The following PHF24 variants were observed in gnomAD, a reference collection of about 807,000 sequenced individuals.
PHF24 encodes the protein Galpha inhibitory interacting protein.
Under a neutral mutation model 42.6 loss-of-function variants are expected in PHF24, and 25 were observed. The observed-to-expected ratio is 0.59, with a 90% CI of 0.43 to 0.82. The LOEUF is 0.82. PHF24 is among the 40% of genes least tolerant of loss of function. The pLI is 0.00. For missense variants in PHF24, 470 were observed against 538.1 expected, an observed-to-expected ratio of 0.87 and a Z score of 1.25; for synonymous variants, 185 against 204.8, an observed-to-expected ratio of 0.90 and a Z score of 0.83.
At chr9:34,693,020 C>T in the PHF24 span, among the ~76,000 whole-genome samples, 4 of 152,126 alleles carry the variant, frequency 2.6e-5, no homozygotes, top group African/African-American at 9.7e-5. Context: ...CTCCTGGTTT[C>T]GAACTCCTGA....
the PHF24 span, among the ~76,000 whole-genome samples, chr9:34,850,336 C>A: frequency 6.6e-6 from 1 of 152,196 alleles, no homozygotes; most frequent in Admixed American, 6.5e-5. Context: ...TCCCTTCTCG[C>A]TTCATTTCAT....
At chr9:34,909,857 G>A in the PHF24 span, among the ~76,000 whole-genome samples, 1 of 152,214 alleles carries the variant, frequency 6.6e-6, no homozygotes, top group South Asian at 2.1e-4. Context: ...CTCATCTTCT[G>A]ACCTCGTGAT....
the PHF24 span, among the ~76,000 whole-genome samples, chr9:34,800,580 T>C: frequency 6.6e-6 from 1 of 152,284 alleles, no homozygotes; most frequent in South Asian, 2.1e-4. Context: ...GGATTCCCTA[T>C]TTAATAAACG....
chr9:34,967,269 C>T (rs1025784872), intron 1 of PHF24, among the ~76,000 whole-genome samples: 1 of 152,146 alleles, frequency 6.6e-6, no homozygotes, highest in Non-Finnish European at 1.5e-5. Context: ...CTTCAAATTG[C>T]AGATTTAAAT....
the PHF24 span, among the ~76,000 whole-genome samples, chr9:34,716,325 C>T: frequency 6.6e-6 from 1 of 152,108 alleles, no homozygotes. Context: ...GGGCTGGAAT[C>T]ATGGTGATGT....
chr9:34,725,892 C>T, the PHF24 span: 2 of 1,552,108 alleles, frequency 1.3e-6, no homozygotes, highest in Admixed American at 2.0e-5. Flanking sequence ...CCTTGAGATC[C>T]CATGAAAGTG....
At chr9:34,720,451 CA>C in the PHF24 span, among the ~76,000 whole-genome samples, 1 of 34,744 alleles carries the variant, frequency 2.9e-5, no homozygotes, top group Non-Finnish European at 8.9e-5. Flanking sequence ...GACTCCGTCT[CA>C]AAAAAAAAAC....
the PHF24 span, among the ~76,000 whole-genome samples, chr9:34,875,946 ACACACTCTCTCTCTCT>A: frequency 0.048 from 4,306 of 88,950 alleles, 88 homozygotes; most frequent in Non-Finnish European, 0.061. Flanking sequence ...ACACACACAC[ACACACTCTCTCTCTCT>A]CTCTCTCTCT....
chr9:34,961,364 A>T (rs1166856897), intron 1 of PHF24, among the ~76,000 whole-genome samples: 1 of 152,186 alleles, frequency 6.6e-6, no homozygotes, highest in East Asian at 1.9e-4. Flanking sequence ...AACCAAGACC[A>T]TCAGTGTCCA....
At chr9:34,680,515 C>T in the PHF24 span, among the ~76,000 whole-genome samples, 2 of 150,982 alleles carry the variant, frequency 1.3e-5, no homozygotes, top group African/African-American at 4.9e-5. Flanking sequence ...GGTGAAACCC[C>T]GTCTCTACTA....
At chr9:34,936,438 G>A in the PHF24 span, among the ~76,000 whole-genome samples, 78 of 152,210 alleles carry the variant, frequency 5.1e-4, no homozygotes, top group African/African-American at 1.8e-3. Context: ...CCTCTCAGCC[G>A]CCTGCCTTGG....
the PHF24 span, chr9:34,917,851 A>G: frequency 4.0e-5 from 61 of 1,509,174 alleles, no homozygotes; most frequent in Non-Finnish European, 5.3e-5. Flanking sequence ...TTCATCTTGC[A>G]TCGTGTGTGT....
the PHF24 span, among the ~76,000 whole-genome samples, chr9:34,735,839 A>G: frequency 6.6e-6 from 1 of 151,892 alleles, no homozygotes; most frequent in Non-Finnish European, 1.5e-5. Flanking sequence ...ACATAACCAG[A>G]CTTAGATATA....
the PHF24 span, among the ~76,000 whole-genome samples, chr9:34,714,310 C>G: frequency 4.1e-5 from 6 of 146,680 alleles, no homozygotes; most frequent in Admixed American, 4.2e-4. Context: ...CCCTGGTTTC[C>G]CCACCTGCCT....
chr9:34,777,355 G>T, the PHF24 span, among the ~76,000 whole-genome samples: 1 of 152,150 alleles, frequency 6.6e-6, no homozygotes, highest in Non-Finnish European at 1.5e-5. Flanking sequence ...GAATGTGATG[G>T]TCTGGGCAGG....
At chr9:34,946,380 A>G in the PHF24 span, among the ~76,000 whole-genome samples, 1 of 152,232 alleles carries the variant, frequency 6.6e-6, no homozygotes, top group Non-Finnish European at 1.5e-5. Context: ...CTGTTCAACA[A>G]GAGTTTCAAC....
At chr9:34,918,003 T>C in the PHF24 span, 9 of 1,330,544 alleles carry the variant, frequency 6.8e-6, no homozygotes, top group Non-Finnish European at 8.7e-6. Context: ...CATCAAGAAA[T>C]TAAGCAAGCG....
chr9:34,780,289 T>C, the PHF24 span, among the ~76,000 whole-genome samples: 1 of 126,486 alleles, frequency 7.9e-6, no homozygotes, highest in Non-Finnish European at 1.6e-5. Context: ...TTCTTTTTTT[T>C]CTTTTTTTCT....
the PHF24 span, among the ~76,000 whole-genome samples, chr9:34,697,946 A>G: frequency 6.6e-6 from 1 of 152,174 alleles, no homozygotes; most frequent in Non-Finnish European, 1.5e-5. Flanking sequence ...CCACCTAACC[A>G]TGAGTGATAA....
Sources: gnomAD v4.1 joint callset for allele counts (sites outside exome capture counted in the v4.1 genomes callset) on GRCh38, gnomAD v4.1.1 for gene constraint, MANE v1.5 for transcripts, NCBI Gene and HGNC (gene_info 2026-07-23, HGNC 2026-07-21) for gene names.